TICAM1: variants seen among roughly 807,000 people sequenced by gnomAD.
TICAM1 encodes the protein TIR domain-containing adapter molecule 1.
For missense variants in TICAM1, 895 were observed against 938.2 expected, an observed-to-expected ratio of 0.95 and a Z score of 0.60; for synonymous variants, 439 against 415.4, an observed-to-expected ratio of 1.06 and a Z score of -0.69.
intron 1 of TICAM1, among the ~76,000 whole-genome samples, chr19:4,827,649 T>G (rs962969484): frequency 4.0e-5 from 6 of 150,028 alleles, no homozygotes; most frequent in African/African-American, 1.5e-4. Flanking sequence ...TCCCAGCTAC[T>G]CGGAAGGCTG....
intron 1 of TICAM1, among the ~76,000 whole-genome samples, chr19:4,827,372 CAAAAAAAAAAAA>C (rs57574607): frequency 0.025 from 1,380 of 54,190 alleles, 29 homozygotes; most frequent in African/African-American, 0.085. Context: ...ACTCTGTCTC[CAAAAAAAAAAAA>C]AAAAAAAAAA....
chr19:4,823,025 A>C (rs1327967944), intron 1 of TICAM1, among the ~76,000 whole-genome samples: 1 of 152,158 alleles, frequency 6.6e-6, no homozygotes, highest in East Asian at 1.9e-4. Flanking sequence ...TGATGTTGAA[A>C]GTATTTTTAT....
chr19:4,826,485 C>G (rs1024682099), intron 1 of TICAM1, among the ~76,000 whole-genome samples: 1 of 151,962 alleles, frequency 6.6e-6, no homozygotes, highest in Non-Finnish European at 1.5e-5. Flanking sequence ...CCATCATACC[C>G]GGCTAATTTT....
chr19:4,820,212 A>C (rs150533729), intron 1 of TICAM1, among the ~76,000 whole-genome samples: 214 of 152,022 alleles, frequency 1.4e-3, no homozygotes, highest in African/African-American at 4.9e-3. Context: ...CGAGATCAGG[A>C]GGTCGAGACC....
intron 1 of TICAM1, among the ~76,000 whole-genome samples, chr19:4,821,994 GGT>G (rs2146175204): frequency 6.6e-6 from 1 of 151,360 alleles, no homozygotes; most frequent in Non-Finnish European, 1.5e-5. Context: ...GGAGTACAAT[GGT>G]GCAATCTCAG....
chr19:4,816,785 G>A lies in TICAM1; in HGVS notation c.1593C>T (p.His531=). ...ARKVANTFKP[H]RLQARKAMWR... ...ACATGGCCTTTCGGGCCTGAAGCCT[G>A]TGGGGCTTGAAGGTGTTGGCCACCT... The change falls in exon 2 of 2, where the codon CAC becomes CAT. Residue 531 remains histidine, a synonymous_variant. Coordinates refer to ENST00000248244, the MANE Select transcript of TICAM1 (RefSeq NM_182919.4). The surrounding 1 kb of genome is among the most constrained non-coding windows in gnomAD (Gnocchi z 4.3). 2 of 1,613,482 alleles carry A rather than the reference G, an allele frequency of 1.2e-6. No individual in the cohort carries two copies. Among genetic ancestry groups the A allele is most frequent in the Non-Finnish European group, 1.7e-6 (2 of 1,180,028 alleles).
Position 4,816,914 on chromosome 19 carries a change from G to C in TICAM1, c.1464C>G (p.Pro488=). Residue 488 remains proline (P), a synonymous_variant, in exon 2 of 2, where the codon CCC becomes CCG. Coordinates refer to ENST00000248244, the MANE Select transcript of TICAM1 (RefSeq NM_182919.4). The surrounding 1 kb of genome is among the most constrained non-coding windows in gnomAD (Gnocchi z 4.3). The part of the protein sequence containing the change: ...TRQGSPDCVI[P]FLPLESSPAQ... ...CCGGGGAGCTCTCCAGGGGCAGGAA[G>C]GGGATGACACAGTCTGGCGACCCCT... 1 of 1,613,684 alleles carries C rather than the reference G, an allele frequency of 6.2e-7. No individual in the cohort carries two copies. The highest frequency in any genetic ancestry group is 8.5e-7 in the Non-Finnish European group (1 of 1,180,030).
At chr19:4,821,545 T>C (rs1480866581) in intron 1 of TICAM1, among the ~76,000 whole-genome samples, 1 of 152,040 alleles carries the variant, frequency 6.6e-6, no homozygotes, top group African/African-American at 2.4e-5. Context: ...GATATCCCTA[T>C]GGCTCACTCC....
chr19:4,827,372 C>CAAAAAAAAAAAA lies in TICAM1; in HGVS notation c.-140+4230_-140+4241dup, dbSNP rs57574607. On this transcript the variant is annotated intron_variant, in intron 1 of 1. Coordinates refer to ENST00000248244, the MANE Select transcript of TICAM1 (RefSeq NM_182919.4). ...GGCTACAAGAGTGAAACTCTGTCTCCAAAAAAAAAAAAAAAAAAAAAAAAA... is the reference window on the plus strand; with the variant it reads ...GGCTACAAGAGTGAAACTCTGTCTCCAAAAAAAAAAAAAAAAAAAAAAAAAAAAAAAAAAAAA... Among the ~76,000 whole-genome samples the CAAAAAAAAAAAA allele has an allele frequency of 6.3e-4, 34 of 54,176 alleles. 1 individual carries two copies. The highest frequency in any genetic ancestry group is 1.7e-3 in the South Asian group (2 of 1,160). 35.5% of individuals were successfully genotyped at this position (54,176 alleles called of 152,430 possible).
chr19:4,819,648 G>C (rs1463270340), intron 1 of TICAM1, among the ~76,000 whole-genome samples: 1 of 152,018 alleles, frequency 6.6e-6, no homozygotes, highest in Non-Finnish European at 1.5e-5. Flanking sequence ...CAAGGAGGGC[G>C]GCTCACCTGA....
At chr19:4,821,794 A>G (rs1336159686) in intron 1 of TICAM1, among the ~76,000 whole-genome samples, 1 of 150,426 alleles carries the variant, frequency 6.6e-6, no homozygotes, top group Middle Eastern at 3.4e-3. Flanking sequence ...ACAGGCATGC[A>G]CCACCATGCC....
At chr19:4,820,307 C>T (rs960275872) in intron 1 of TICAM1, among the ~76,000 whole-genome samples, 1 of 151,218 alleles carries the variant, frequency 6.6e-6, no homozygotes, top group African/African-American at 2.4e-5. Flanking sequence ...GTAATCCCAG[C>T]TACTCGGGAG....
At chr19:4,830,090 C>T (rs1463085787) in intron 1 of TICAM1, among the ~76,000 whole-genome samples, 1 of 149,018 alleles carries the variant, frequency 6.7e-6, no homozygotes, top group Non-Finnish European at 1.5e-5. Context: ...TGCCCAGCCC[C>T]ATTTCATTTT....
In TICAM1 at chr19:4,818,042, C is replaced by G; in HGVS notation, c.336G>C (p.Ser112=). 1.2e-6 allele frequency: 2 copies of G among 1,608,882 alleles called. No homozygotes were observed. The highest frequency in any genetic ancestry group is 1.7e-6 in the Non-Finnish European group (2 of 1,179,910). Residue 112 remains serine (S), a synonymous_variant, in exon 2 of 2, where the codon TCG becomes TCC. Coordinates refer to ENST00000248244, the MANE Select transcript of TICAM1 (RefSeq NM_182919.4). The surrounding 1 kb of genome is among the most constrained non-coding windows in gnomAD (Gnocchi z 4.0). ...LLAEEKLCPA[S]LRDVAYQEAV... ...CTTCCTGGTAGGCCACGTCCCGCAG[C>G]GAGGCGGGGCACAGCTTCTCCTCAG...
At chr19:4,820,550 G>C (rs2093595618) in intron 1 of TICAM1, among the ~76,000 whole-genome samples, 1 of 150,816 alleles carries the variant, frequency 6.6e-6, no homozygotes, top group South Asian at 2.1e-4. Context: ...TACATACATA[G>C]CATTCATTCA....
intron 1 of TICAM1, among the ~76,000 whole-genome samples, chr19:4,829,447 G>A (rs1423175276): frequency 1.6e-5 from 2 of 128,176 alleles, no homozygotes; most frequent in Non-Finnish European, 3.1e-5. Context: ...GACCCAGCAA[G>A]TTTCATTTCT....
At chr19:4,821,030 T>TAA (rs373375585) in intron 1 of TICAM1, among the ~76,000 whole-genome samples, 5,304 of 140,490 alleles carry the variant, frequency 0.038, 186 homozygotes, top group Middle Eastern at 0.081. Context: ...CCGTCTCTAG[T>TAA]AAAAAAAAAA....
chr19:4,822,998 TTTTG>T lies in TICAM1; in HGVS notation c.-139-4486_-139-4483del, dbSNP rs1456418885. Among the ~76,000 whole-genome samples the T allele has an allele frequency of 8.5e-5, 13 of 152,256 alleles. No homozygotes were observed. The East Asian group carries it at 9.6e-4, about 11-fold the overall frequency. On this transcript the variant is annotated intron_variant, in intron 1 of 1. Transcript: ENST00000248244. ...TTTGGTTTGTATTTGGCTTTGGTGTTTTTGTTTGTTTGTTTTTGATGTTGAAAGT... is the reference window on the plus strand; with the variant it reads ...TTTGGTTTGTATTTGGCTTTGGTGTTTTTGTTTGTTTTTGATGTTGAAAGT...
In TICAM1 at chr19:4,816,465, G is replaced by A. The variant is rs750982483; in HGVS notation, c.1913C>T (p.Ala638Val). ...PQPPPLHAWQ[A>V]GTPPPPSPQP... ...TGGGGAGGGCGGTGGGGGGGTGCCA[G>A]CCTGCCATGCGTGCAGGGGTGGCGG... Residue 638 changes from alanine (A) to valine (V), a missense_variant, in exon 2 of 2, where the codon GCT becomes GTT. Physicochemically the swap from Ala to Val is moderately conservative, Grantham distance 64. Coordinates refer to ENST00000248244, the MANE Select transcript of TICAM1 (RefSeq NM_182919.4). The surrounding 1 kb of genome is among the most constrained non-coding windows in gnomAD (Gnocchi z 4.3). 17 of 1,555,280 alleles carry A rather than the reference G, an allele frequency of 1.1e-5. No individual in the cohort carries two copies. The highest frequency in any genetic ancestry group is 1.5e-5 in the Non-Finnish European group (17 of 1,152,630).
Sources: allele counts gnomAD v4.1 joint callset (sites outside exome capture counted in the v4.1 genomes callset), GRCh38; gene constraint gnomAD v4.1.1; non-coding constraint Gnocchi (gnomAD v3.1); transcripts MANE v1.5; gene names NCBI Gene and HGNC (gene_info 2026-07-23, HGNC 2026-07-21).